ASTN1: variants seen among roughly 807,000 people sequenced by gnomAD.
ASTN1 encodes astrotactin-1.
In ASTN1, 41 loss-of-function variants were observed where a neutral mutation model predicts 140.7. The ratio of observed to expected loss-of-function variants is 0.29; its 90% confidence interval spans 0.23 to 0.38. The LOEUF is 0.38. ASTN1 is among the 10% of genes least tolerant of loss of function. The pLI is 1.00. For missense variants in ASTN1, 1,479 were observed against 1,678.8 expected (o/e 0.88, Z 2.08); for synonymous variants, 640 against 652.2 (o/e 0.98, Z 0.29).
chr1:176,971,735 C>T (rs1325997767), intron 8 of ASTN1, among the ~76,000 whole-genome samples: 1 of 152,118 alleles, frequency 6.6e-6, no homozygotes, highest in Non-Finnish European at 1.5e-5. Flanking sequence ...CTACTATACC[C>T]ACAGTGCGCA....
At chr1:177,125,458 T>C (rs956392164) in intron 1 of ASTN1, among the ~76,000 whole-genome samples, 4 of 152,230 alleles carry the variant, frequency 2.6e-5, no homozygotes, top group Non-Finnish European at 1.5e-5. Context: ...GGCCAAGTAG[T>C]CTTTAAAGTG....
Position 176,957,800 on chromosome 1 carries a change from C to T in ASTN1, c.1765G>A (p.Asp589Asn), listed in dbSNP as rs1384595599. The T allele has an allele frequency of 1.6e-5, 26 of 1,613,686 alleles. No homozygotes were observed. Among genetic ancestry groups the T allele is most frequent in the Non-Finnish European group, 2.0e-5 (24 of 1,179,918 alleles). ...GAATCTAAGAGAACCTCCAGGCTGT[C>T]GAAGGAGGATGAAGTCATCAGCTCC... ...REELMTSSSF[D>N]SLEVLLDSFG... is the part of the protein sequence containing the mutation. The change falls in exon 11 of 23, where the codon GAC becomes AAC. Residue 589 changes from aspartate (D) to asparagine (N), a missense_variant. Physicochemically the swap from Asp to Asn is conservative, Grantham distance 23 (BLOSUM62 1). Coordinates refer to ENST00000361833, the MANE Select transcript of ASTN1 (RefSeq NM_004319.3).
intron 1 of ASTN1, among the ~76,000 whole-genome samples, chr1:177,099,904 C>T (rs1032792087): frequency 6.6e-6 from 1 of 152,186 alleles, no homozygotes; most frequent in Non-Finnish European, 1.5e-5. Flanking sequence ...TATGCATTTT[C>T]ATTGATGTAT....
chr1:177,051,964 T>A (rs181502700), intron 2 of ASTN1, among the ~76,000 whole-genome samples: 59 of 152,286 alleles, frequency 3.9e-4, no homozygotes, highest in African/African-American at 1.3e-3. Context: ...GAGCTGAAAT[T>A]ATCACCCTAA....
At chr1:177,019,425 A>C (rs1675708613) in intron 7 of ASTN1, among the ~76,000 whole-genome samples, 1 of 152,198 alleles carries the variant, frequency 6.6e-6, no homozygotes, top group Admixed American at 6.5e-5. Context: ...AATGCAATGA[A>C]CCTAATTTAC....
chr1:177,027,666 A>G (rs1369914386), intron 5 of ASTN1, among the ~76,000 whole-genome samples: 1 of 144,496 alleles, frequency 6.9e-6, no homozygotes, highest in African/African-American at 2.6e-5. Flanking sequence ...CCTTTACTGA[A>G]ATGCCCTTAT....
At chr1:176,892,826 G>A (rs538389034) in intron 17 of ASTN1, among the ~76,000 whole-genome samples, 1 of 152,258 alleles carries the variant, frequency 6.6e-6, no homozygotes, top group Non-Finnish European at 1.5e-5. Context: ...TTAGGAAAGG[G>A]CAAAATTAGA....
At chr1:176,991,150 G>A (rs1674139079) in intron 8 of ASTN1, among the ~76,000 whole-genome samples, 1 of 152,128 alleles carries the variant, frequency 6.6e-6, no homozygotes, top group Non-Finnish European at 1.5e-5. Flanking sequence ...GCTCATGCCT[G>A]TAATCCCAGC....
At chr1:176,950,608 T>TC (rs1392158862) in intron 11 of ASTN1, among the ~76,000 whole-genome samples, 1 of 151,922 alleles carries the variant, frequency 6.6e-6, no homozygotes, top group East Asian at 1.9e-4. Flanking sequence ...TGACTTTTTT[T>TC]CCCCATCCTG....
chr1:176,933,159 G>A (rs1338358436), intron 16 of ASTN1, among the ~76,000 whole-genome samples: 1 of 152,220 alleles, frequency 6.6e-6, no homozygotes. Context: ...CCCAGCCAGA[G>A]GAGAGGCCAT....
At chr1:176,928,995 A>G (rs1671088449) in intron 16 of ASTN1, among the ~76,000 whole-genome samples, 1 of 152,204 alleles carries the variant, frequency 6.6e-6, no homozygotes, top group Non-Finnish European at 1.5e-5. Context: ...TTTAGAGAGC[A>G]AATCTCTGAC....
rs895466609 is a variant in ASTN1, at chr1:177,135,353, A to G, written c.283+29041T>C. On this transcript the variant is annotated intron_variant, in intron 1 of 22. Transcript: ENST00000361833. ...CTAATCCAGCCAATACCCCACCAAC[A>G]GTCCCCAGCAATCTTCTGCCCACCG... 5.9e-5 allele frequency among the ~76,000 whole-genome samples: 9 copies of G among 151,576 alleles called. 1 individual carries two copies. The South Asian group carries it at 1.3e-3, about 21-fold the overall frequency.
At chr1:177,049,387 T>G (rs968198107) in intron 2 of ASTN1, among the ~76,000 whole-genome samples, 1 of 152,188 alleles carries the variant, frequency 6.6e-6, no homozygotes, top group Non-Finnish European at 1.5e-5. Context: ...TTGACATATT[T>G]CTCTCAGATA....
downstream of ASTN1, among the ~76,000 whole-genome samples, chr1:176,859,059 T>G (rs778178589): frequency 6.6e-6 from 1 of 152,224 alleles, no homozygotes; most frequent in Non-Finnish European, 1.5e-5. Context: ...GCCTGGCACA[T>G]AATAAGTATG....
rs1374081962 is a variant in ASTN1, at chr1:177,164,334, G to GT, written c.283+59dup. The stretch of plus-strand genomic sequence containing the variant: ...GAGTGGGTGTGTAGAGCGAGCTGGA[G>GT]TGGGGGGTGGGGGCGCCGGTCCAGC... On this transcript the variant is annotated intron_variant, in intron 1 of 22. Transcript: ENST00000361833. The GT allele has an allele frequency of 3.4e-6, 5 of 1,463,138 alleles. No individual in the cohort carries two copies. In the South Asian group the frequency reaches 4.1e-5, roughly 12 times the overall value. 90.6% of individuals were successfully genotyped at this position (1,463,138 alleles called of 1,614,324 possible).
intron 1 of ASTN1, among the ~76,000 whole-genome samples, chr1:177,062,544 C>CT (rs1262248770): frequency 0.031 from 3,967 of 128,686 alleles, 98 homozygotes; most frequent in East Asian, 0.085. Context: ...ATGGCCTGGC[C>CT]TTTTTTTTTT....
chr1:177,154,923 T>C (rs942030393), intron 1 of ASTN1, among the ~76,000 whole-genome samples: 2 of 152,210 alleles, frequency 1.3e-5, no homozygotes, highest in Non-Finnish European at 2.9e-5. Context: ...GTTCATAGTA[T>C]TTTTATTCAT....
intron 17 of ASTN1, 110 bp downstream of exon 17, chr1:176,894,452 T>G: frequency 7.2e-7 from 1 of 1,385,390 alleles, no homozygotes; most frequent in Non-Finnish European, 9.7e-7. Flanking sequence ...AGCCTCACTA[T>G]CCATATTCTA....
intron 1 of ASTN1, among the ~76,000 whole-genome samples, chr1:177,075,743 C>A (rs1433531754): frequency 6.7e-6 from 1 of 148,440 alleles, no homozygotes; most frequent in African/African-American, 2.5e-5. Context: ...AACTTCTGGG[C>A]TCAAGCAATC....
Sources: allele counts gnomAD v4.1 joint callset (sites outside exome capture counted in the v4.1 genomes callset), GRCh38; gene constraint gnomAD v4.1.1; transcripts MANE v1.5; gene names NCBI Gene and HGNC (gene_info 2026-07-23, HGNC 2026-07-21).